GEMIN5: variants seen among roughly 807,000 people sequenced by gnomAD.
GEMIN5 encodes the protein gem nuclear organelle associated protein 5.
In GEMIN5, 124 loss-of-function variants were observed where a neutral mutation model predicts 176.9. The observed-to-expected ratio is 0.70, with a 90% confidence interval of 0.61 to 0.81. GEMIN5 has a LOEUF of 0.81. GEMIN5 is among the 40% of genes least tolerant of loss of function. GEMIN5 has a pLI of 0.00. For synonymous variants in GEMIN5, 673 were observed against 665.2 expected (o/e 1.01, Z -0.18); for missense variants, 1,843 against 1,814.6 (o/e 1.02, Z -0.28).
chr5:154,890,111 T>A (rs975411723), intron 26 of GEMIN5, among the ~76,000 whole-genome samples: 2 of 152,254 alleles, frequency 1.3e-5, no homozygotes, highest in African/African-American at 2.4e-5. Flanking sequence ...CCAATGTCTC[T>A]GCATCCTCCT....
intron 3 of GEMIN5, among the ~76,000 whole-genome samples, chr5:154,933,750 C>G (rs540080367): frequency 6.6e-6 from 1 of 152,010 alleles, no homozygotes; most frequent in Admixed American, 6.6e-5. Context: ...TGAAAACTGC[C>G]AAGTTATGCA....
In GEMIN5 at chr5:154,891,401, G is replaced by A. The variant is rs200876867; in HGVS notation, c.4102C>T (p.Gln1368Ter). ...TCAGCAACAGTTCTCTGTGAGTTTT[G>A]GAGACTGGCATGCTTTTCTGAAAAG... ...ELFSEKHASL[Q>*]NSQRTVAEVQ... The change falls in exon 26 of 28, where the codon CAA (glutamine) becomes TAA (stop). Residue 1368 changes from glutamine (Q) to a stop codon, truncating the protein, a stop_gained. Coordinates refer to ENST00000285873, the MANE Select transcript of GEMIN5 (RefSeq NM_015465.5). LOFTEE classifies it high-confidence loss of function. 6.2e-7 allele frequency: 1 copy of A among 1,614,054 alleles called. No homozygotes were observed. Among genetic ancestry groups the A allele is most frequent in the East Asian group, 2.2e-5 (1 of 44,876 alleles).
chr5:154,890,892 T>G (rs750400093), intron 26 of GEMIN5, among the ~76,000 whole-genome samples: 1 of 152,136 alleles, frequency 6.6e-6, no homozygotes, highest in African/African-American at 2.4e-5. Context: ...GCCCCCCAAG[T>G]AGCTGGAATT....
At chr5:154,896,000 G>C (rs1339732363) in intron 24 of GEMIN5, 92 bp downstream of exon 24, 2 of 1,446,066 alleles carry the variant, frequency 1.4e-6, no homozygotes, top group African/African-American at 1.4e-5. Context: ...ACACAGTCCA[G>C]TATTCTGCTT....
chr5:154,912,159 C>T (rs915643633), intron 14 of GEMIN5, among the ~76,000 whole-genome samples: 2 of 152,178 alleles, frequency 1.3e-5, no homozygotes, highest in African/African-American at 4.8e-5. Context: ...CCATGGATTT[C>T]ACTGTCTCGA....
At chr5:154,911,684 A>G (rs1407907327) in intron 15 of GEMIN5, 43 bp downstream of exon 15, 1 of 1,524,776 alleles carries the variant, frequency 6.6e-7, no homozygotes, top group African/African-American at 1.4e-5. Context: ...AATTATTAAG[A>G]AAGGGAGAAA....
chr5:154,927,734 G>A (rs190965727), intron 6 of GEMIN5, among the ~76,000 whole-genome samples, 184 bp from the exon 7 acceptor site: 2 of 152,308 alleles, frequency 1.3e-5, no homozygotes, highest in South Asian at 2.1e-4. Context: ...GTTCACATCT[G>A]TAATCTCAGC....
Position 154,937,112 on chromosome 5 carries a change from G to C in GEMIN5, c.240C>G (p.Asn80Lys). The C allele has an allele frequency of 1.2e-6, 2 of 1,613,928 alleles. No homozygotes were observed. Among genetic ancestry groups the C allele is most frequent in the South Asian group, 1.1e-5 (1 of 91,076 alleles). The part of the protein sequence containing the change: ...FTFSHHPGQY[N>K]LCATSSDDGT... ...CATCGTCGGAGCTGGTGGCACAGAG[G>C]TTGTACTGACCAGGGTGATGAGAAA... Residue 80 changes from asparagine to lysine, a missense_variant, in exon 2 of 28, where the codon AAC becomes AAG. Asn to Lys is a moderately conservative substitution (Grantham distance 94). Coordinates refer to ENST00000285873, the MANE Select transcript of GEMIN5 (RefSeq NM_015465.5).
Position 154,937,161 on chromosome 5 carries a change from G to GGT in GEMIN5, c.190_191insAC (p.Thr64AsnfsTer29). 1 of 1,612,758 alleles carries GGT rather than the reference G, an allele frequency of 6.2e-7. No homozygotes were observed. The stretch of plus-strand genomic sequence containing the variant: ...AAATGTGAAGCCAGAGACCCTTTCG[G>GGT]TGTGTCCCACCAACTCTCCTATGAC... On this transcript the variant is annotated frameshift_variant, in exon 2 of 28. Transcript: ENST00000285873. LOFTEE classifies it high-confidence loss of function.
intron 9 of GEMIN5, among the ~76,000 whole-genome samples, chr5:154,921,754 C>T (rs771049520): frequency 1.2e-4 from 18 of 152,150 alleles, no homozygotes; most frequent in Non-Finnish European, 1.8e-4. Context: ...ATTCACTTTA[C>T]GGTCATGTAA....
At chr5:154,889,211 G>T in intron 27 of GEMIN5, 110 bp downstream of exon 27, 1 of 628,874 alleles carries the variant, frequency 1.6e-6, no homozygotes. Flanking sequence ...TGAATGGGTA[G>T]AGATTTTAGA....
chr5:154,907,765 G>A lies in GEMIN5; in HGVS notation c.2221C>T (p.Pro741Ser), dbSNP rs764245729. 2.5e-6 allele frequency: 4 copies of A among 1,613,980 alleles called. No homozygotes were observed. In the Admixed American group the frequency reaches 5.0e-5, roughly 20 times the overall value. ...AAGGTGGGCTTTTTCTTCTTTTTGGGCTTTGCCTTAGGTTGAGAGAGCCGT... is the reference window on the plus strand; with the variant it reads ...AAGGTGGGCTTTTTCTTCTTTTTGGACTTTGCCTTAGGTTGAGAGAGCCGT... ...KKRLSQPKAK[P>S]KKKKKPTLRT... Residue 741 changes from proline (P) to serine (S), a missense_variant, in exon 16 of 28, where the codon CCC becomes TCC. Physicochemically the swap from Pro to Ser is moderately conservative, Grantham distance 74 (BLOSUM62 -1). Coordinates refer to ENST00000285873, the MANE Select transcript of GEMIN5 (RefSeq NM_015465.5).
rs1232905688 is a variant in GEMIN5 at position 154,896,313 on chromosome 5, G to T, written c.3376C>A (p.Leu1126Ile). 5 of 1,593,902 alleles carry T rather than the reference G, an allele frequency of 3.1e-6. No homozygotes were observed. The highest frequency in any genetic ancestry group is 4.3e-6 in the Non-Finnish European group (5 of 1,171,636). ...TTTTCCTCCAGATGCCTGGACAGTA[G>T]CTCCAGAAGGCAAAACACCAATCTC... ...GQRLVFCLLE[L>I]LSRHLEEKQL... Residue 1126 changes from leucine (L) to isoleucine (I), a missense_variant, in exon 24 of 28, where the codon CTA (leucine) becomes ATA (isoleucine). By Grantham distance (5) the Leu-to-Ile change is conservative. Transcript: ENST00000285873.
intron 24 of GEMIN5, among the ~76,000 whole-genome samples, chr5:154,893,755 T>C (rs1338219879): frequency 2.0e-5 from 3 of 152,144 alleles, no homozygotes; most frequent in Non-Finnish European, 4.4e-5. Context: ...TTCTTCTTTG[T>C]TTTTTTGAGA....
At chr5:154,908,385 T>C (rs868247171) in intron 15 of GEMIN5, among the ~76,000 whole-genome samples, 1 of 152,100 alleles carries the variant, frequency 6.6e-6, no homozygotes, top group Non-Finnish European at 1.5e-5. Context: ...TTCACCATGT[T>C]GGTCAGGCTG....
Position 154,888,024 on chromosome 5 carries a change from C to A in GEMIN5, c.*186G>T. 1.7e-6 allele frequency: 1 copy of A among 590,246 alleles called. No homozygotes were observed. Among genetic ancestry groups the A allele is most frequent in the Non-Finnish European group, 3.0e-6 (1 of 335,960 alleles). 36.6% of individuals were successfully genotyped at this position (590,246 alleles called of 1,614,324 possible). On this transcript the variant is annotated 3_prime_UTR_variant, in exon 28 of 28. Coordinates refer to ENST00000285873, the MANE Select transcript of GEMIN5 (RefSeq NM_015465.5). Reference sequence around the variant, plus strand: ...CTCCAGTAGGAGACCACAATTGAGTCTAAAGTCAGATCCACCGTTGTCTAT... The same window carrying A: ...CTCCAGTAGGAGACCACAATTGAGTATAAAGTCAGATCCACCGTTGTCTAT...
At chr5:154,900,812 A>G (rs976320097) in intron 21 of GEMIN5, among the ~76,000 whole-genome samples, 1 of 152,210 alleles carries the variant, frequency 6.6e-6, no homozygotes, top group Non-Finnish European at 1.5e-5. Flanking sequence ...GAGCTTACTC[A>G]GGACTTGGAG....
chr5:154,901,586 A>T (rs1422753096), intron 20 of GEMIN5, 100 bp from the exon 21 acceptor site: 1 of 973,140 alleles, frequency 1.0e-6, no homozygotes, highest in Non-Finnish European at 1.6e-6. Flanking sequence ...TCGTCAATGC[A>T]TTCAGCAGAA....
chr5:154,893,023 G>C lies in GEMIN5; in HGVS notation c.3598-474C>G, dbSNP rs1763270837. On this transcript the variant is annotated intron_variant, in intron 24 of 27. Transcript: ENST00000285873. ...GAGACAGAAGAATTGCTTGAACCCG[G>C]AAGGTGGAGGTTGTGGTGAGCTGAG... Among the ~76,000 whole-genome samples the C allele has an allele frequency of 7.9e-5, 12 of 151,798 alleles. 1 individual carries two copies. Among genetic ancestry groups the C allele is most frequent in the Admixed American group, 7.9e-4 (12 of 15,230 alleles).
Sources: gnomAD v4.1 joint callset for allele counts (sites outside exome capture counted in the v4.1 genomes callset) on GRCh38, gnomAD v4.1.1 for gene constraint, MANE v1.5 for transcripts, NCBI Gene and HGNC (gene_info 2026-07-23, HGNC 2026-07-21) for gene names.